Variants in TBC1D9 observed in about 807,000 individuals in gnomAD.
The protein encoded by TBC1D9 is TBC1 domain family member 9.
TBC1D9 carries 63 observed loss-of-function variants against 132.0 expected under a neutral mutation model. The ratio of observed to expected loss-of-function variants is 0.48; its 90% CI spans 0.39 to 0.59. TBC1D9 has a LOEUF of 0.59. Among genes scored for constraint, TBC1D9 ranks in the 20% least tolerant of loss-of-function variants. The pLI is 0.00. For missense variants in TBC1D9, 1,261 were observed against 1,592.7 expected, an observed-to-expected ratio of 0.79 and a Z score of 3.54; for synonymous variants, 610 against 609.9, an observed-to-expected ratio of 1.00 and a Z score of 0.00.
intron 1 of TBC1D9, among the ~76,000 whole-genome samples, chr4:140,726,795 T>C (rs745341413): frequency 6.6e-6 from 1 of 152,252 alleles, no homozygotes; most frequent in Non-Finnish European, 1.5e-5. Context: ...CACATTATCT[T>C]TGTTACACAA....
At chr4:140,667,647 C>T (rs1737468841) in intron 9 of TBC1D9, among the ~76,000 whole-genome samples, 1 of 152,048 alleles carries the variant, frequency 6.6e-6, no homozygotes, top group Non-Finnish European at 1.5e-5. Context: ...GACTATCATC[C>T]CAGCACCTGG....
At chr4:140,632,826 G>T (rs1047659196) in intron 16 of TBC1D9, among the ~76,000 whole-genome samples, 2 of 152,152 alleles carry the variant, frequency 1.3e-5, no homozygotes, top group African/African-American at 4.8e-5. Flanking sequence ...GCAATGCCAG[G>T]CATGCAGTAA....
In TBC1D9 at chr4:140,633,972, A is replaced by G; in HGVS notation, c.2722T>C (p.Phe908Leu). Reference protein sequence around the residue: ...LDENGDSLINFREFVSGLSAA... With the variant: ...LDENGDSLINLREFVSGLSAA... ...CTTAGCCCAGAGACAAACTCCCGGA[A>G]GTTAATCAAAGAGTCTCCATTTTCA... is the stretch of plus-strand genomic sequence containing the variant. Residue 908 changes from phenylalanine (F) to leucine (L), a missense_variant, in exon 16 of 21, where the codon TTC (phenylalanine) becomes CTC (leucine). Physicochemically the swap from Phe to Leu is conservative, Grantham distance 22. Coordinates refer to ENST00000442267, the MANE Select transcript of TBC1D9 (RefSeq NM_015130.3). The G allele has an allele frequency of 6.2e-7, 1 of 1,613,988 alleles. No individual in the cohort carries two copies. The highest frequency in any genetic ancestry group is 8.5e-7 in the Non-Finnish European group (1 of 1,179,898).
At chr4:140,663,721 A>C (rs1021863268) in intron 9 of TBC1D9, among the ~76,000 whole-genome samples, 6 of 152,196 alleles carry the variant, frequency 3.9e-5, no homozygotes, top group Non-Finnish European at 8.8e-5. Context: ...TAAGAGGGGA[A>C]GTCCTATCAT....
At chr4:140,636,354 TC>T (rs2110973389) in intron 15 of TBC1D9, among the ~76,000 whole-genome samples, 1 of 152,118 alleles carries the variant, frequency 6.6e-6, no homozygotes, top group South Asian at 2.1e-4. Context: ...ACTACATCAT[TC>T]CTTTGTATCT....
At chr4:140,657,062 G>T in intron 13 of TBC1D9, 35 bp downstream of exon 13, 1 of 1,607,008 alleles carries the variant, frequency 6.2e-7, no homozygotes, top group South Asian at 1.1e-5. Flanking sequence ...TCGAATGCAT[G>T]GTTAAGCCCT....
intron 17 of TBC1D9, among the ~76,000 whole-genome samples, chr4:140,628,021 T>C (rs778353016): frequency 1.3e-5 from 2 of 152,240 alleles, no homozygotes; most frequent in Non-Finnish European, 2.9e-5. Flanking sequence ...ACAATCCTTG[T>C]ATCCCAGGTG....
At chr4:140,639,244 A>G in intron 14 of TBC1D9, 86 bp downstream of exon 14, 1 of 1,470,276 alleles carries the variant, frequency 6.8e-7, no homozygotes, top group Non-Finnish European at 9.3e-7. Flanking sequence ...AATTGTTTTC[A>G]GTTCTGTCAG....
intron 13 of TBC1D9, among the ~76,000 whole-genome samples, chr4:140,641,340 CT>C (rs1301037424): frequency 6.6e-6 from 1 of 152,114 alleles, no homozygotes; most frequent in Non-Finnish European, 1.5e-5. Flanking sequence ...AAAAGAGTGC[CT>C]TTGTGAGCCT....
At chr4:140,625,571 G>C (rs1560864170) in intron 18 of TBC1D9, among the ~76,000 whole-genome samples, 1 of 152,316 alleles carries the variant, frequency 6.6e-6, no homozygotes, top group East Asian at 1.9e-4. Context: ...TTAAGACACA[G>C]TGAGGAAAGT....
chr4:140,748,184 A>C (rs535919719), intron 1 of TBC1D9, among the ~76,000 whole-genome samples: 85 of 152,362 alleles, frequency 5.6e-4, no homozygotes, highest in African/African-American at 1.9e-3. Context: ...TGAGAATTGT[A>C]ACAACTGAAA....
At chr4:140,642,200 C>T in intron 13 of TBC1D9, 2 of 749,610 alleles carry the variant, frequency 2.7e-6, no homozygotes, top group Non-Finnish European at 4.9e-6. Flanking sequence ...CCGGAGGGGC[C>T]TTGGGCGGGC....
At chr4:140,683,606 G>A (rs1227246842) in intron 3 of TBC1D9, among the ~76,000 whole-genome samples, 14 of 152,118 alleles carry the variant, frequency 9.2e-5, no homozygotes, top group Non-Finnish European at 2.9e-5. Flanking sequence ...ATATTAACAG[G>A]TAATTTACAA....
rs116779881 is a variant in TBC1D9, at chr4:140,629,853, A to G, written c.2747-1488T>C. Among the ~76,000 whole-genome samples, 1,245 of 152,360 alleles carry G rather than the reference A, an allele frequency of 8.2e-3. 8 individuals carry two copies. The highest frequency in any genetic ancestry group is 0.012 in the Non-Finnish European group (848 of 68,032). On this transcript the variant is annotated intron_variant, in intron 16 of 20. Transcript: ENST00000442267. The stretch of plus-strand genomic sequence containing the variant: ...GATTAATAAAACTAATCATGAAAAT[A>G]ATGACGGACATTAACCACCCACTCT...
At chr4:140,705,779 C>T (rs992698742) in intron 1 of TBC1D9, among the ~76,000 whole-genome samples, 2 of 152,226 alleles carry the variant, frequency 1.3e-5, no homozygotes, top group East Asian at 3.9e-4. Context: ...AAATACTGAA[C>T]CTTTTCTTCA....
chr4:140,701,609 G>C lies in TBC1D9; in HGVS notation c.136C>G (p.Leu46Val), dbSNP rs1202835583. Residue 46 changes from leucine to valine, a missense_variant, in exon 2 of 21, where the codon CTG becomes GTG. Leu to Val is a conservative substitution (Grantham distance 32, BLOSUM62 1). Around this residue, in one of 3 missense-constraint regions of TBC1D9, gnomAD observed 550 missense variants for 699.0 expected, o/e 0.79. Transcript: ENST00000442267. ...GGGGGGLAGL[L>V]VGTLDVVLDS... is the part of the protein sequence containing the mutation. Reference sequence around the variant, plus strand: ...AACACAACATCAAGGGTACCCACCAGCAGGCCTGAGGGTGGAAAGTGGGGA... The same window carrying C: ...AACACAACATCAAGGGTACCCACCACCAGGCCTGAGGGTGGAAAGTGGGGA... 6.2e-7 allele frequency: 1 copy of C among 1,613,478 alleles called. No individual in the cohort carries two copies. The highest frequency in any genetic ancestry group is 8.5e-7 in the Non-Finnish European group (1 of 1,179,548).
intron 13 of TBC1D9, chr4:140,643,300 C>A: frequency 7.5e-7 from 1 of 1,326,014 alleles, no homozygotes; most frequent in Non-Finnish European, 1.1e-6. Context: ...AAGCTCTGCT[C>A]CAAGACAAGG....
At chr4:140,675,502 C>A (rs1469102626) in intron 6 of TBC1D9, among the ~76,000 whole-genome samples, 1 of 152,088 alleles carries the variant, frequency 6.6e-6, no homozygotes, top group Non-Finnish European at 1.5e-5. Context: ...CTCTGACATC[C>A]TAACCTGGGG....
intron 1 of TBC1D9, among the ~76,000 whole-genome samples, chr4:140,736,765 A>C (rs966304989): frequency 6.6e-6 from 1 of 152,190 alleles, no homozygotes; most frequent in African/African-American, 2.4e-5. Context: ...ATGCTATTCA[A>C]TCAGAACTGT....
Sources: gnomAD v4.1 joint callset for allele counts (sites outside exome capture counted in the v4.1 genomes callset) on GRCh38, gnomAD v4.1.1 for gene constraint, gnomAD v4.1.1 regional missense constraint, MANE v1.5 for transcripts, NCBI Gene and HGNC (gene_info 2026-07-23, HGNC 2026-07-21) for gene names.